SNX9: variants seen among roughly 807,000 people sequenced by gnomAD.
The protein encoded by SNX9 is sorting nexin 9, also known as sorting nexin-9.
Under a neutral mutation model 89.4 loss-of-function variants are expected in SNX9, and 44 were observed. The ratio of observed to expected loss-of-function variants is 0.49; its 90% CI spans 0.39 to 0.63. SNX9 has a LOEUF of 0.63. SNX9 is among the 30% of genes least tolerant of loss of function. The pLI is 0.00. For missense variants in SNX9, 578 were observed against 736.1 expected (o/e 0.79, Z 2.49); for synonymous variants, 236 against 247.8 (o/e 0.95, Z 0.45).
At chr6:157,828,133 A>G (rs1206284966) in intron 1 of SNX9, among the ~76,000 whole-genome samples, 1 of 152,166 alleles carries the variant, frequency 6.6e-6, no homozygotes, top group Non-Finnish European at 1.5e-5. Flanking sequence ...GTTGATTTTT[A>G]TGGCTTTTAA....
chr6:157,934,304 T>A (rs1442689517), intron 13 of SNX9: 2 of 144,286 alleles, frequency 1.4e-5, no homozygotes, highest in Non-Finnish European at 3.1e-5. Context: ...CTTAAATGAT[T>A]ATAGGGAAGG....
chr6:157,890,799 A>G (rs1050553082), intron 4 of SNX9, among the ~76,000 whole-genome samples: 1 of 152,246 alleles, frequency 6.6e-6, no homozygotes, highest in African/African-American at 2.4e-5. Context: ...GCATTTTCCA[A>G]TGTTTGTTAA....
intron 1 of SNX9, among the ~76,000 whole-genome samples, chr6:157,853,623 G>A (rs1715248256): frequency 6.6e-6 from 1 of 152,124 alleles, no homozygotes; most frequent in Non-Finnish European, 1.5e-5. Context: ...GGGAATGTCT[G>A]GTTCCCTTAC....
intron 9 of SNX9, among the ~76,000 whole-genome samples, chr6:157,912,201 T>C (rs1019014074): frequency 2.6e-4 from 39 of 152,388 alleles, no homozygotes; most frequent in African/African-American, 9.4e-4. Flanking sequence ...TATAAAATTA[T>C]AGTCTATTTC....
chr6:157,867,483 C>T (rs529452873), intron 1 of SNX9, 64 bp from the exon 2 acceptor site: 2 of 1,303,028 alleles, frequency 1.5e-6, no homozygotes, highest in African/African-American at 1.5e-5. Flanking sequence ...AACTGTACAC[C>T]TTTTGTGTTT....
rs112256082 is a variant in SNX9, at chr6:157,939,242, G to C, written c.1648+495G>C. On this transcript the variant is annotated intron_variant, in intron 16 of 17. Coordinates refer to ENST00000392185, the MANE Select transcript of SNX9 (RefSeq NM_016224.5). ...TTGGCGGATGGGTGGATGGCACTTGGATGGGCAGAGAATGGAGAGCGTGTT... is the reference window on the plus strand; with the variant it reads ...TTGGCGGATGGGTGGATGGCACTTGCATGGGCAGAGAATGGAGAGCGTGTT... 2.8e-3 allele frequency among the ~76,000 whole-genome samples: 432 copies of C among 152,286 alleles called. 3 individuals are homozygous for C. Among genetic ancestry groups the C allele is most frequent in the African/African-American group, 9.1e-3 (379 of 41,536 alleles).
chr6:157,858,220 C>T (rs1302884470), intron 1 of SNX9, among the ~76,000 whole-genome samples: 1 of 151,512 alleles, frequency 6.6e-6, no homozygotes, highest in Non-Finnish European at 1.5e-5. Context: ...CACATGAACT[C>T]GTCCGGAGTC....
rs1784094559 is a variant in SNX9, at chr6:157,944,038, A to T, written c.*1200A>T. On this transcript the variant is annotated 3_prime_UTR_variant, in exon 18 of 18. Coordinates refer to ENST00000392185, the MANE Select transcript of SNX9 (RefSeq NM_016224.5). ...CGAAACTTCACACAGGGTGTTTCTG[A>T]GCACCAGCACTTCCAGCGCTTCACT... The T allele has an allele frequency of 6.6e-6, 1 of 152,412 alleles. No individual in the cohort carries two copies. Among genetic ancestry groups the T allele is most frequent in the South Asian group, 2.1e-4 (1 of 4,826 alleles). 9.4% of individuals were successfully genotyped at this position (152,412 alleles called of 1,614,324 possible). A position where few individuals can be genotyped will look rare whatever the true frequency, so the allele number is the denominator to read the frequency against.
At chr6:157,930,159 A>G (rs1207513592) in intron 12 of SNX9, among the ~76,000 whole-genome samples, 1 of 152,154 alleles carries the variant, frequency 6.6e-6, no homozygotes, top group Non-Finnish European at 1.5e-5. Flanking sequence ...CTCTTCCTCT[A>G]CTAGCAGTAA....
intron 2 of SNX9, among the ~76,000 whole-genome samples, chr6:157,869,414 A>G (rs1782342249): frequency 1.3e-5 from 2 of 151,522 alleles, no homozygotes; most frequent in South Asian, 4.2e-4. Flanking sequence ...TCAGCTCATC[A>G]CCCATGTGAT....
At position 157,906,182 on chromosome 6, in the gene SNX9, A is replaced by G. The variant is rs1426381033; in HGVS notation, c.675A>G (p.Leu225=). ...AACAGTATTTGTTGGCCAAACAACTAGCAAAACCCAAAGAGAAAATTCCCA... is the reference window on the plus strand; with the variant it reads ...AACAGTATTTGTTGGCCAAACAACTGGCAAAACCCAAAGAGAAAATTCCCA... ...GTEQYLLAKQ[L]AKPKEKIPII... is the part of the protein sequence containing the mutation. The change falls in exon 7 of 18, where the codon CTA becomes CTG. Residue 225 remains leucine, a synonymous_variant. Transcript: ENST00000392185. The G allele has an allele frequency of 6.3e-7, 1 of 1,592,480 alleles. No homozygotes were observed. The highest frequency in any genetic ancestry group is 8.5e-7 in the Non-Finnish European group (1 of 1,174,736).
intron 1 of SNX9, among the ~76,000 whole-genome samples, chr6:157,839,683 T>C (rs998700750): frequency 2.0e-5 from 3 of 152,222 alleles, no homozygotes; most frequent in Admixed American, 2.0e-4. Flanking sequence ...GGCCACCGCC[T>C]CTTGCCCAGG....
chr6:157,862,451 C>T (rs1216308920), intron 1 of SNX9, among the ~76,000 whole-genome samples: 6 of 152,192 alleles, frequency 3.9e-5, no homozygotes, highest in Admixed American at 6.5e-5. Context: ...CTTCACTTCT[C>T]GAGGGTGTCA....
At chr6:157,902,515 A>G (rs978123752) in intron 6 of SNX9, among the ~76,000 whole-genome samples, 2 of 152,164 alleles carry the variant, frequency 1.3e-5, no homozygotes, top group Non-Finnish European at 2.9e-5. Context: ...AGGCAAACTG[A>G]TGCCCAGAGA....
chr6:157,863,413 A>T lies in SNX9; in HGVS notation c.13-4134A>T, dbSNP rs532187521. 1.5e-4 allele frequency among the ~76,000 whole-genome samples: 23 copies of T among 152,372 alleles called. No homozygotes were observed. In the South Asian group the frequency reaches 3.7e-3, roughly 25 times the overall value. The stretch of plus-strand genomic sequence containing the variant: ...TAAGTAGATTAGTAGTTAATGGAAC[A>T]GATACGTGAGATTGATGTCTAGTAG... On this transcript the variant is annotated intron_variant, in intron 1 of 17. Coordinates refer to ENST00000392185, the MANE Select transcript of SNX9 (RefSeq NM_016224.5).
intron 5 of SNX9, among the ~76,000 whole-genome samples, chr6:157,899,590 G>A (rs1437107107): frequency 6.6e-6 from 1 of 152,062 alleles, no homozygotes; most frequent in African/African-American, 2.4e-5. Flanking sequence ...GGCTAACACG[G>A]TGAAACCCCA....
At chr6:157,833,273 T>C (rs1242488728) in intron 1 of SNX9, among the ~76,000 whole-genome samples, 1 of 152,170 alleles carries the variant, frequency 6.6e-6, no homozygotes, top group Non-Finnish European at 1.5e-5. Flanking sequence ...TTTGCTGCTT[T>C]TGTAACAAGG....
Position 157,938,296 on chromosome 6 carries a change from T to C in SNX9, c.1534-337T>C, listed in dbSNP as rs530347175. Among the ~76,000 whole-genome samples the C allele has an allele frequency of 2.9e-4, 44 of 152,346 alleles. No homozygotes were observed. The East Asian group carries it at 4.6e-3, about 16-fold the overall frequency. On this transcript the variant is annotated intron_variant, in intron 15 of 17. Coordinates refer to ENST00000392185, the MANE Select transcript of SNX9 (RefSeq NM_016224.5). ...CTGCCCTGTACCTAGCCACATGACT[T>C]CCAAAACCTGCTAATGCCTGATTTC... is the stretch of plus-strand genomic sequence containing the variant.
At chr6:157,848,636 C>T (rs1333838222) in intron 1 of SNX9, among the ~76,000 whole-genome samples, 1 of 152,198 alleles carries the variant, frequency 6.6e-6, no homozygotes, top group Non-Finnish European at 1.5e-5. Flanking sequence ...GAAACTTGAA[C>T]TCTGTAAGCA....
Sources: allele counts gnomAD v4.1 joint callset (sites outside exome capture counted in the v4.1 genomes callset), GRCh38; gene constraint gnomAD v4.1.1; transcripts MANE v1.5; gene names NCBI Gene and HGNC (gene_info 2026-07-23, HGNC 2026-07-21).